The following TBC1D5 variants were observed in gnomAD, a reference collection of about 807,000 sequenced individuals.
TBC1D5 encodes TBC1 domain family, member 5.
Under a neutral mutation model 100.3 loss-of-function variants are expected in TBC1D5, and 75 were observed. The ratio of observed to expected loss-of-function variants is 0.75; its 90% CI spans 0.62 to 0.91. TBC1D5 has a LOEUF of 0.91. Among genes scored for constraint, TBC1D5 ranks in the 40% least tolerant of loss-of-function variants. TBC1D5 has a pLI of 0.00. For missense variants in TBC1D5, 910 were observed against 942.4 expected (o/e 0.97, Z 0.45); for synonymous variants, 323 against 325.6 (o/e 0.99, Z 0.09).
At chr3:17,552,738 A>T (rs1259617017) in intron 2 of TBC1D5, among the ~76,000 whole-genome samples, 1 of 152,152 alleles carries the variant, frequency 6.6e-6, no homozygotes, top group Non-Finnish European at 1.5e-5. Context: ...TAGACTGGGT[A>T]TTCAGATATC....
At chr3:17,392,285 A>G (rs2093372907) in intron 8 of TBC1D5, among the ~76,000 whole-genome samples, 1 of 152,014 alleles carries the variant, frequency 6.6e-6, no homozygotes, top group Non-Finnish European at 1.5e-5. Flanking sequence ...ACTGGTTGTA[A>G]TATTGGTGCA....
intron 13 of TBC1D5, among the ~76,000 whole-genome samples, chr3:17,340,126 G>GT (rs1046340722): frequency 2.6e-5 from 4 of 152,188 alleles, no homozygotes; most frequent in Admixed American, 1.3e-4. Flanking sequence ...CCAGATGGAA[G>GT]TGACGGGTAC....
chr3:17,323,209 T>G (rs2085652409), intron 13 of TBC1D5, among the ~76,000 whole-genome samples: 1 of 151,838 alleles, frequency 6.6e-6, no homozygotes, highest in African/African-American at 2.4e-5. Flanking sequence ...AGGAAGGAAA[T>G]AACGCCAGTT....
intron 1 of TBC1D5, among the ~76,000 whole-genome samples, chr3:17,686,083 G>A (rs889633291): frequency 5.3e-5 from 8 of 152,068 alleles, no homozygotes; most frequent in Admixed American, 2.6e-4. Flanking sequence ...TACAATTGGC[G>A]GGATTTCAGA....
chr3:17,715,608 A>T (rs2075157854), intron 1 of TBC1D5, among the ~76,000 whole-genome samples: 1 of 152,158 alleles, frequency 6.6e-6, no homozygotes, highest in African/African-American at 2.4e-5. Context: ...GGAGTTCACA[A>T]CGAGCCTGGG....
chr3:17,244,950 C>G (rs2149173661), intron 16 of TBC1D5, among the ~76,000 whole-genome samples: 1 of 149,296 alleles, frequency 6.7e-6, no homozygotes, highest in Non-Finnish European at 1.5e-5. Flanking sequence ...CTTTGGAAGG[C>G]CGAGGAAGGA....
intron 3 of TBC1D5, among the ~76,000 whole-genome samples, chr3:17,468,707 T>C (rs564074162): frequency 6.6e-6 from 1 of 152,272 alleles, no homozygotes; most frequent in Admixed American, 6.5e-5. Context: ...ATGATGAATA[T>C]AGGCTGTAGA....
chr3:17,404,839 C>A, intron 6 of TBC1D5, 33 bp downstream of exon 6: 3 of 1,559,318 alleles, frequency 1.9e-6, no homozygotes, highest in South Asian at 1.2e-5. Context: ...CATAAGAAAA[C>A]AATTACATTA....
intron 1 of TBC1D5, among the ~76,000 whole-genome samples, chr3:17,642,906 A>AT (rs1165596037): frequency 2.0e-5 from 3 of 152,156 alleles, no homozygotes; most frequent in Non-Finnish European, 4.4e-5. Context: ...GAATTCCCAC[A>AT]TAACCTTCAA....
chr3:17,369,188 A>G (rs2092334110), intron 13 of TBC1D5, among the ~76,000 whole-genome samples: 1 of 152,166 alleles, frequency 6.6e-6, no homozygotes, highest in Non-Finnish European at 1.5e-5. Context: ...CACGGCTATT[A>G]TAAGTTTGCA....
At chr3:17,563,889 T>G (rs1163329474) in intron 2 of TBC1D5, among the ~76,000 whole-genome samples, 1 of 152,246 alleles carries the variant, frequency 6.6e-6, no homozygotes, top group East Asian at 1.9e-4. Context: ...TTCACGCCAT[T>G]CTCCTGCCTC....
chr3:17,240,874 T>C (rs1364532186), intron 16 of TBC1D5, among the ~76,000 whole-genome samples: 3 of 152,158 alleles, frequency 2.0e-5, no homozygotes, highest in Non-Finnish European at 4.4e-5. Context: ...TGCTAGAGCA[T>C]TATCAAGAGA....
At chr3:17,309,221 C>T (rs2083722466) in intron 13 of TBC1D5, among the ~76,000 whole-genome samples, 1 of 151,678 alleles carries the variant, frequency 6.6e-6, no homozygotes, top group Non-Finnish European at 1.5e-5. Context: ...CCTTAGAGAG[C>T]AATATATTTA....
intron 9 of TBC1D5, among the ~76,000 whole-genome samples, chr3:17,382,915 A>T (rs2093007618): frequency 6.6e-6 from 1 of 151,910 alleles, no homozygotes; most frequent in Non-Finnish European, 1.5e-5. Flanking sequence ...TTTTCTAGAC[A>T]TGTTATAGCT....
chr3:17,358,459 T>C (rs2091419864), intron 13 of TBC1D5, among the ~76,000 whole-genome samples: 1 of 152,188 alleles, frequency 6.6e-6, no homozygotes, highest in Non-Finnish European at 1.5e-5. Context: ...GTGCTGGGAT[T>C]ACAGGCGTGA....
chr3:17,720,752 C>A (rs991085281), intron 1 of TBC1D5, among the ~76,000 whole-genome samples: 1 of 151,224 alleles, frequency 6.6e-6, no homozygotes, highest in Non-Finnish European at 1.5e-5. Flanking sequence ...GAAATCAAGG[C>A]TGTATTTAGA....
intron 18 of TBC1D5, among the ~76,000 whole-genome samples, chr3:17,187,865 G>C (rs538597005): frequency 6.6e-6 from 1 of 152,338 alleles, no homozygotes; most frequent in East Asian, 1.9e-4. Context: ...GTGCTTCTTG[G>C]CTTAAAAACT....
At chr3:17,291,993 T>C in exon 15 of TBC1D5, 1 of 1,612,704 alleles carries the variant, frequency 6.2e-7, no homozygotes, top group Non-Finnish European at 8.5e-7. Context: ...TGGTAGTTAC[T>C]AGAGATCACT....
chr3:17,369,181 G>A (rs923459454), intron 13 of TBC1D5, among the ~76,000 whole-genome samples: 12 of 152,080 alleles, frequency 7.9e-5, no homozygotes, highest in African/African-American at 2.7e-4. Context: ...TCTAAAACAC[G>A]GCTATTATAA....
Sources: gnomAD v4.1 joint callset for allele counts (sites outside exome capture counted in the v4.1 genomes callset) on GRCh38, gnomAD v4.1.1 for gene constraint, MANE v1.5 for transcripts, NCBI Gene and HGNC (gene_info 2026-07-23, HGNC 2026-07-21) for gene names.